Variants in HDAC9 observed in about 807,000 individuals in gnomAD.
The protein encoded by HDAC9 is histone deacetylase 9, also known as MEF-2 interacting transcription repressor (MITR) protein.
A neutral mutation model predicts 139.4 loss-of-function variants in HDAC9; 41 were observed. The ratio of observed to expected loss-of-function variants is 0.29; its 90% CI spans 0.23 to 0.38. HDAC9 has a LOEUF of 0.38. HDAC9 is among the 10% of genes least tolerant of loss of function. HDAC9 has a pLI of 1.00. For missense variants in HDAC9, 1,147 were observed against 1,297.0 expected, an observed-to-expected ratio of 0.88 and a Z score of 1.78; for synonymous variants, 517 against 476.2, an observed-to-expected ratio of 1.09 and a Z score of -1.12.
intron 2 of HDAC9, among the ~76,000 whole-genome samples, chr7:18,230,237 C>A (rs1381747770): frequency 1.3e-5 from 2 of 152,056 alleles, no homozygotes; most frequent in Non-Finnish European, 2.9e-5. Flanking sequence ...ATGTCCAGAC[C>A]AGCTACATAA....
chr7:18,395,665 A>G (rs1786960258), intron 1 of HDAC9, among the ~76,000 whole-genome samples: 1 of 152,174 alleles, frequency 6.6e-6, no homozygotes, highest in East Asian at 1.9e-4. Flanking sequence ...TGATCACAAC[A>G]AAGATACATT....
intron 22 of HDAC9, among the ~76,000 whole-genome samples, chr7:18,920,758 G>A (rs930254496): frequency 2.6e-5 from 4 of 152,046 alleles, no homozygotes; most frequent in African/African-American, 9.7e-5. Flanking sequence ...TAATCATGTG[G>A]TTTTTGTCTT....
chr7:18,759,445 T>G (rs1214011286), intron 14 of HDAC9, among the ~76,000 whole-genome samples: 1 of 151,776 alleles, frequency 6.6e-6, no homozygotes, highest in African/African-American at 2.4e-5. Flanking sequence ...GAGCGCTCCT[T>G]ATGAGGATCA....
At chr7:18,664,449 T>G (rs1794198189) in intron 11 of HDAC9, among the ~76,000 whole-genome samples, 1 of 152,152 alleles carries the variant, frequency 6.6e-6, no homozygotes, top group Admixed American at 6.6e-5. Flanking sequence ...AGATTCTTAC[T>G]CTTCACCCAA....
At chr7:18,412,058 C>A (rs1219294354) in intron 1 of HDAC9, among the ~76,000 whole-genome samples, 1 of 151,440 alleles carries the variant, frequency 6.6e-6, no homozygotes, top group Non-Finnish European at 1.5e-5. Flanking sequence ...GAACTCCTGA[C>A]CTCAAATGAT....
At chr7:18,811,894 A>G (rs1178636510) in intron 17 of HDAC9, among the ~76,000 whole-genome samples, 1 of 151,530 alleles carries the variant, frequency 6.6e-6, no homozygotes, top group Admixed American at 6.6e-5. Flanking sequence ...GAGACAAAAT[A>G]TGTACATATT....
intron 11 of HDAC9, among the ~76,000 whole-genome samples, chr7:18,655,820 A>T: frequency 6.6e-6 from 1 of 152,176 alleles, no homozygotes; most frequent in Non-Finnish European, 1.5e-5. Flanking sequence ...ACTATGAGGT[A>T]AGAAAACGGG....
intron 3 of HDAC9, among the ~76,000 whole-genome samples, chr7:18,587,149 T>C (rs945841016): frequency 6.6e-6 from 1 of 152,158 alleles, no homozygotes; most frequent in Admixed American, 6.6e-5. Context: ...CTTTGATAGC[T>C]ATAAAGTTAA....
chr7:18,963,291 A>C (rs764891314), intron 24 of HDAC9, among the ~76,000 whole-genome samples: 2 of 152,188 alleles, frequency 1.3e-5, no homozygotes, highest in Non-Finnish European at 2.9e-5. Flanking sequence ...AGGGATATGA[A>C]TTTGATAGAT....
chr7:18,813,186 T>A (rs1794314377), intron 17 of HDAC9, among the ~76,000 whole-genome samples: 1 of 152,160 alleles, frequency 6.6e-6, no homozygotes, highest in East Asian at 1.9e-4. Context: ...CTTCTTTGCC[T>A]GTCTTGTAAT....
chr7:18,678,406 A>T (rs1295476848), intron 12 of HDAC9, among the ~76,000 whole-genome samples: 1 of 151,696 alleles, frequency 6.6e-6, no homozygotes, highest in Non-Finnish European at 1.5e-5. Flanking sequence ...ATTTCATCTG[A>T]TATTTTTCCT....
chr7:18,977,977 A>G (rs1784658573), intron 25 of HDAC9, among the ~76,000 whole-genome samples: 1 of 149,270 alleles, frequency 6.7e-6, no homozygotes, highest in South Asian at 2.1e-4. Context: ...GAGAGAGAGA[A>G]TGCTCTGAAA....
At chr7:18,766,161 T>A (rs1789814328) in intron 15 of HDAC9, among the ~76,000 whole-genome samples, 2 of 152,182 alleles carry the variant, frequency 1.3e-5, no homozygotes, top group South Asian at 4.1e-4. Context: ...GAATTGGAAA[T>A]TTGTACCTGG....
At chr7:18,376,455 C>G (rs1785000964) in intron 1 of HDAC9, among the ~76,000 whole-genome samples, 1 of 152,128 alleles carries the variant, frequency 6.6e-6, no homozygotes. Flanking sequence ...TTTGATTTAT[C>G]AGCTTTGGTA....
chr7:18,359,924 T>C (rs1783644915), intron 1 of HDAC9, among the ~76,000 whole-genome samples: 1 of 152,176 alleles, frequency 6.6e-6, no homozygotes, highest in African/African-American at 2.4e-5. Context: ...GGTGATTTTC[T>C]AACCACACTG....
At chr7:18,957,784 A>G in intron 24 of HDAC9, among the ~76,000 whole-genome samples, 1 of 152,126 alleles carries the variant, frequency 6.6e-6, no homozygotes, top group East Asian at 1.9e-4. Flanking sequence ...TGAGTGTCAC[A>G]CAAGTGCCTC....
intron 17 of HDAC9, among the ~76,000 whole-genome samples, chr7:18,821,097 C>T (rs954818888): frequency 1.3e-5 from 2 of 152,206 alleles, no homozygotes; most frequent in Non-Finnish European, 2.9e-5. Flanking sequence ...AGGGGAGGGA[C>T]ACTGTGTCCT....
At chr7:18,489,138 C>A (rs2128133429) in intron 1 of HDAC9, among the ~76,000 whole-genome samples, 1 of 152,090 alleles carries the variant, frequency 6.6e-6, no homozygotes, top group Middle Eastern at 3.4e-3. Context: ...TTATTCATTG[C>A]AGAAATATTT....
intron 25 of HDAC9, 122 bp from the exon 26 acceptor site, chr7:18,995,901 T>C: frequency 1.5e-6 from 1 of 657,542 alleles, no homozygotes; most frequent in East Asian, 2.9e-5. Flanking sequence ...TATTTATGGA[T>C]AACTGAATAA....
Sources: allele counts gnomAD v4.1 joint callset (sites outside exome capture counted in the v4.1 genomes callset), GRCh38; gene constraint gnomAD v4.1.1; transcripts MANE v1.5; gene names NCBI Gene and HGNC (gene_info 2026-07-23, HGNC 2026-07-21).